The following GALNTL6 variants were observed in gnomAD, a reference collection of about 807,000 sequenced individuals.
The protein encoded by GALNTL6 is polypeptide N-acetylgalactosaminyltransferase like 6, also known as polypeptide N-acetylgalactosaminyltransferase-like 6.
GALNTL6 carries 46 observed loss-of-function variants against 73.7 expected under a neutral mutation model. The observed-to-expected ratio is 0.62, with a 90% confidence interval of 0.49 to 0.80. The LOEUF (loss-of-function observed/expected upper bound fraction) is 0.80. Among genes scored for constraint, GALNTL6 ranks in the 30% least tolerant of loss-of-function variants. GALNTL6 has a pLI of 0.00. For missense variants in GALNTL6, 604 were observed against 755.0 expected, an observed-to-expected ratio of 0.80 and a Z score of 2.34; for synonymous variants, 259 against 263.7, an observed-to-expected ratio of 0.98 and a Z score of 0.17.
intron 5 of GALNTL6, among the ~76,000 whole-genome samples, chr4:172,663,389 G>T (rs1040216960): frequency 1.7e-5 from 2 of 120,512 alleles, no homozygotes; most frequent in Non-Finnish European, 3.9e-5. Flanking sequence ...AATATTAAGT[G>T]TATAGCATTA....
intron 2 of GALNTL6, among the ~76,000 whole-genome samples, chr4:172,222,886 A>C (rs1488548906): frequency 6.6e-6 from 1 of 152,006 alleles, no homozygotes; most frequent in Non-Finnish European, 1.5e-5. Flanking sequence ...ATTAAGACTG[A>C]CATAAGCTTG....
At position 171,914,300 on chromosome 4, in the gene GALNTL6, G is replaced by A. The variant is rs368816188; in HGVS notation, c.138+99582G>A. ...GAAAGAGACCTATATTCCACTGGTT[G>A]ACAGTGGTTATCCCGACAAGAAAGT... On this transcript the variant is annotated intron_variant, in intron 2 of 12. Coordinates refer to ENST00000506823, the MANE Select transcript of GALNTL6 (RefSeq NM_001034845.3). Among the ~76,000 whole-genome samples the A allele has an allele frequency of 5.3e-5, 8 of 151,970 alleles. No homozygotes were observed. The East Asian group carries it at 5.8e-4, about 11-fold the overall frequency.
At chr4:172,683,109 T>A (rs949926241) in intron 5 of GALNTL6, among the ~76,000 whole-genome samples, 1 of 152,212 alleles carries the variant, frequency 6.6e-6, no homozygotes, top group East Asian at 1.9e-4. Flanking sequence ...TGTAAGCAAT[T>A]TGGGAGTTTG....
chr4:171,920,049 C>T (rs926764702), intron 2 of GALNTL6, among the ~76,000 whole-genome samples: 2 of 152,086 alleles, frequency 1.3e-5, no homozygotes, highest in East Asian at 1.9e-4. Flanking sequence ...AAATGTGGCA[C>T]ATATACGCCA....
intron 6 of GALNTL6, among the ~76,000 whole-genome samples, chr4:172,811,111 T>A (rs1741275290): frequency 1.3e-5 from 2 of 152,236 alleles, no homozygotes; most frequent in Admixed American, 1.3e-4. Context: ...CCTCTATCAG[T>A]GTCTTGACAC....
chr4:172,634,951 G>T (rs1739596694), intron 5 of GALNTL6, among the ~76,000 whole-genome samples: 1 of 152,120 alleles, frequency 6.6e-6, no homozygotes. Context: ...CTTATCCATA[G>T]ATGTTATTAA....
At chr4:172,372,784 G>A (rs1742866063) in intron 5 of GALNTL6, among the ~76,000 whole-genome samples, 1 of 152,060 alleles carries the variant, frequency 6.6e-6, no homozygotes. Context: ...AGTATAGAGG[G>A]GCCTGGCTAT....
At chr4:172,666,986 T>A (rs1346142347) in intron 5 of GALNTL6, 1 of 152,242 alleles carries the variant, frequency 6.6e-6, no homozygotes, top group African/African-American at 2.4e-5. Flanking sequence ...GTGGACAATC[T>A]AGTGCCACCT....
rs780872485 is a variant in GALNTL6 at position 172,684,444 on chromosome 4, T to C, written c.554-124917T>C. Among the ~76,000 whole-genome samples, 7 of 152,302 alleles carry C rather than the reference T, an allele frequency of 4.6e-5. No homozygotes were observed. The East Asian group carries it at 9.6e-4, about 21-fold the overall frequency. ...TCAAGAACCTTCAAATTTTGTCATA[T>C]GGATTAAAAAAATGGTGTATGTAAA... On this transcript the variant is annotated intron_variant, in intron 5 of 12. Transcript: ENST00000506823.
chr4:172,789,422 AT>A (rs915603700), intron 5 of GALNTL6, among the ~76,000 whole-genome samples: 5 of 152,052 alleles, frequency 3.3e-5, no homozygotes, highest in African/African-American at 1.2e-4. Flanking sequence ...TTTTGCAATT[AT>A]TTTTTTAGCT....
At chr4:172,224,044 A>G (rs1554004788) in intron 2 of GALNTL6, among the ~76,000 whole-genome samples, 1 of 152,176 alleles carries the variant, frequency 6.6e-6, no homozygotes, top group Non-Finnish European at 1.5e-5. Flanking sequence ...TATTTGTTTA[A>G]TGATTTAAGG....
intron 11 of GALNTL6, among the ~76,000 whole-genome samples, chr4:173,010,698 G>C (rs6811254): frequency 0.014 from 2,104 of 151,760 alleles, 51 homozygotes; most frequent in African/African-American, 0.049. Context: ...TGGTTCAAAC[G>C]ATTCTCCTTC....
At chr4:173,000,904 A>G (rs1752017522) in intron 10 of GALNTL6, among the ~76,000 whole-genome samples, 1 of 152,188 alleles carries the variant, frequency 6.6e-6, no homozygotes, top group African/African-American at 2.4e-5. Context: ...TGAAATCCTA[A>G]TCCTTGGTAC....
intron 5 of GALNTL6, among the ~76,000 whole-genome samples, chr4:172,403,428 T>C (rs934788984): frequency 1.3e-5 from 2 of 152,044 alleles, no homozygotes; most frequent in African/African-American, 4.8e-5. Flanking sequence ...ATTGAACACA[T>C]TTAAGAAGTT....
At chr4:172,992,001 G>C (rs1240488058) in intron 10 of GALNTL6, among the ~76,000 whole-genome samples, 2 of 152,086 alleles carry the variant, frequency 1.3e-5, no homozygotes, top group Non-Finnish European at 2.9e-5. Flanking sequence ...TTATAAACTT[G>C]CTTAAACTTT....
chr4:173,029,937 A>G (rs1753387505), intron 12 of GALNTL6, among the ~76,000 whole-genome samples: 1 of 152,218 alleles, frequency 6.6e-6, no homozygotes, highest in Non-Finnish European at 1.5e-5. Flanking sequence ...TCAAGCACTG[A>G]GCCCTCTATC....
At chr4:172,793,959 C>T (rs1293481904) in intron 5 of GALNTL6, among the ~76,000 whole-genome samples, 3 of 151,816 alleles carry the variant, frequency 2.0e-5, no homozygotes, top group Non-Finnish European at 4.4e-5. Flanking sequence ...CCGAAGAACA[C>T]CATTTATTTA....
chr4:172,780,438 A>G (rs554159998), intron 5 of GALNTL6, among the ~76,000 whole-genome samples: 2 of 152,334 alleles, frequency 1.3e-5, no homozygotes, highest in South Asian at 4.1e-4. Context: ...CGAAGACTAA[A>G]TACACTACTG....
chr4:172,608,426 G>T (rs1738390810), intron 5 of GALNTL6, among the ~76,000 whole-genome samples: 1 of 152,090 alleles, frequency 6.6e-6, no homozygotes, highest in Non-Finnish European at 1.5e-5. Context: ...CTTTGTCAAA[G>T]ATCAGGTGGT....
Sources: allele counts gnomAD v4.1 joint callset (sites outside exome capture counted in the v4.1 genomes callset), GRCh38; gene constraint gnomAD v4.1.1; transcripts MANE v1.5; gene names NCBI Gene and HGNC (gene_info 2026-07-23, HGNC 2026-07-21).